The following CDH13 variants were observed in gnomAD, a reference collection of about 807,000 sequenced individuals.
CDH13 encodes cadherin-13.
CDH13 carries 24 observed loss-of-function variants against 63.8 expected under a neutral mutation model. That is an observed-to-expected ratio of 0.38 (90% CI 0.27 to 0.53). The LOEUF (loss-of-function observed/expected upper bound fraction) is 0.53, where lower values mean the gene tolerates loss of function less well. Among genes scored for constraint, CDH13 ranks in the 20% least tolerant of loss-of-function variants. The probability of loss-of-function intolerance (pLI) is 0.85; values close to 1 mark genes in which losing one functional copy is unlikely to be tolerated. For synonymous variants in CDH13, 503 were observed against 355.3 expected, an observed-to-expected ratio of 1.42 and a Z score of -4.67; for missense variants, 1,049 against 903.1, an observed-to-expected ratio of 1.16 and a Z score of -2.07.
intron 1 of CDH13, among the ~76,000 whole-genome samples, chr16:82,649,185 T>G (rs1910448245): frequency 6.6e-6 from 1 of 152,152 alleles, no homozygotes; most frequent in South Asian, 2.1e-4. Flanking sequence ...ATTTTACAAA[T>G]GACATAATAG....
intron 2 of CDH13, among the ~76,000 whole-genome samples, chr16:82,901,685 CACTT>C (rs1260538609): frequency 1.3e-5 from 2 of 152,118 alleles, no homozygotes; most frequent in Non-Finnish European, 2.9e-5. Context: ...AACTGATAAA[CACTT>C]ACAGGGCTGC....
At position 82,949,811 on chromosome 16, in the gene CDH13, TG is replaced by T. The variant is rs984370669; in HGVS notation, c.158-82198del. On this transcript the variant is annotated intron_variant, in intron 2 of 13. Transcript: ENST00000567109. ...CAGCCTCTTTGTGTTAATTATAAGT[TG>T]CTTTGCTTTACAGACTCAAAATGAA... Among the ~76,000 whole-genome samples the T allele has an allele frequency of 3.1e-4, 47 of 152,256 alleles. 1 individual carries two copies. The highest frequency in any genetic ancestry group is 9.9e-4 in the African/African-American group (41 of 41,566).
chr16:83,369,843 C>T (rs1184771382), intron 6 of CDH13, among the ~76,000 whole-genome samples: 3 of 152,282 alleles, frequency 2.0e-5, no homozygotes, highest in East Asian at 1.9e-4. Context: ...CTGTGAGCCT[C>T]GTGTTTGTAT....
At position 83,227,551 on chromosome 16, in the gene CDH13, G is replaced by A. The variant is rs79874733; in HGVS notation, c.636+10054G>A. Among the ~76,000 whole-genome samples the A allele has an allele frequency of 3.6e-3, 551 of 152,280 alleles. 6 individuals carry two copies. Among genetic ancestry groups the A allele is most frequent in the African/African-American group, 0.013 (520 of 41,540 alleles). ...AATGCTGGGAAGCCAGCCAACCTCC[G>A]TGTTACCCATCTCGATTCTGGCCTG... On this transcript the variant is annotated intron_variant, in intron 5 of 13. Transcript: ENST00000567109.
At chr16:83,026,774 T>C (rs1915845056) in intron 2 of CDH13, among the ~76,000 whole-genome samples, 1 of 152,170 alleles carries the variant, frequency 6.6e-6, no homozygotes, top group Admixed American at 6.5e-5. Context: ...GCCATGACTG[T>C]TGTCTGTCCA....
At chr16:83,029,167 C>T (rs146274457) in intron 2 of CDH13, among the ~76,000 whole-genome samples, 1 of 152,298 alleles carries the variant, frequency 6.6e-6, no homozygotes, top group African/African-American at 2.4e-5. Flanking sequence ...CTATTATTAT[C>T]AGTTAATATG....
rs536109125 is a variant in CDH13, at chr16:83,705,581, C to T, written c.1538+27120C>T. ...AGCTTGCAGTGAGCCGAGATCACGC[C>T]ACTGCACTCCAGCGTGGGGGCCAGA... On this transcript the variant is annotated intron_variant, in intron 10 of 13. Coordinates refer to ENST00000567109, the MANE Select transcript of CDH13 (RefSeq NM_001257.5). 1.3e-4 allele frequency among the ~76,000 whole-genome samples: 20 copies of T among 152,256 alleles called. No individual in the cohort carries two copies. In the South Asian group the frequency reaches 4.2e-3, roughly 32 times the overall value.
At chr16:82,993,606 C>T (rs578202130) in intron 2 of CDH13, among the ~76,000 whole-genome samples, 1 of 152,120 alleles carries the variant, frequency 6.6e-6, no homozygotes, top group Non-Finnish European at 1.5e-5. Context: ...ATAATTGCAG[C>T]TGAGTCAGCA....
chr16:82,629,247 C>T (rs1455559288), intron 1 of CDH13, among the ~76,000 whole-genome samples: 11 of 152,162 alleles, frequency 7.2e-5, no homozygotes, highest in Admixed American at 7.2e-4. Flanking sequence ...TCTGAAGGCT[C>T]ACTCTATTTA....
intron 1 of CDH13, among the ~76,000 whole-genome samples, chr16:82,780,895 G>A (rs537466927): frequency 1.3e-5 from 2 of 152,308 alleles, no homozygotes; most frequent in South Asian, 4.1e-4. Context: ...ACATTTGACA[G>A]TAGCTGAGTA....
chr16:83,116,567 G>A (rs1449328986), intron 3 of CDH13, among the ~76,000 whole-genome samples: 1 of 152,206 alleles, frequency 6.6e-6, no homozygotes, highest in Non-Finnish European at 1.5e-5. Flanking sequence ...ATATCGCATG[G>A]TTTCTGTTCA....
At chr16:82,975,832 C>A (rs955918368) in intron 2 of CDH13, among the ~76,000 whole-genome samples, 19 of 152,240 alleles carry the variant, frequency 1.2e-4, no homozygotes, top group African/African-American at 4.3e-4. Context: ...CTTGTCTATA[C>A]CCCCATCCCT....
At chr16:82,629,507 G>A (rs1194590667) in intron 1 of CDH13, among the ~76,000 whole-genome samples, 3 of 152,158 alleles carry the variant, frequency 2.0e-5, no homozygotes, top group African/African-American at 2.4e-5. Flanking sequence ...TTGAGTCGAC[G>A]AGCAAAAACA....
At chr16:83,212,160 C>T (rs2151780078) in intron 4 of CDH13, among the ~76,000 whole-genome samples, 1 of 152,232 alleles carries the variant, frequency 6.6e-6, no homozygotes, top group African/African-American at 2.4e-5. Flanking sequence ...GAGTTGAGCA[C>T]AGCATAATCA....
intron 1 of CDH13, among the ~76,000 whole-genome samples, chr16:82,665,286 G>T (rs1392250791): frequency 6.6e-6 from 1 of 152,188 alleles, no homozygotes; most frequent in Non-Finnish European, 1.5e-5. Context: ...TGATGTGTCT[G>T]ACTGAGAAAA....
intron 4 of CDH13, among the ~76,000 whole-genome samples, chr16:83,169,259 C>G (rs1013193445): frequency 6.6e-6 from 1 of 151,810 alleles, no homozygotes; most frequent in Non-Finnish European, 1.5e-5. Flanking sequence ...TCACTGCAAC[C>G]TCCACCTCCT....
intron 1 of CDH13, among the ~76,000 whole-genome samples, chr16:82,856,509 C>T (rs1230021161): frequency 2.0e-5 from 3 of 151,036 alleles, no homozygotes; most frequent in African/African-American, 7.3e-5. Context: ...TGAGAGCAGC[C>T]TGTGCAACAT....
At chr16:83,510,454 C>G (rs374899850) in intron 7 of CDH13, among the ~76,000 whole-genome samples, 1 of 152,170 alleles carries the variant, frequency 6.6e-6, no homozygotes, top group Non-Finnish European at 1.5e-5. Flanking sequence ...AAATACACAA[C>G]ACACCAATGA....
intron 4 of CDH13, among the ~76,000 whole-genome samples, chr16:83,198,931 C>G (rs914626042): frequency 6.6e-6 from 1 of 152,110 alleles, no homozygotes; most frequent in Admixed American, 6.5e-5. Context: ...AAATATTCCT[C>G]TCTTGGGGAT....
Sources: gnomAD v4.1 joint callset for allele counts (sites outside exome capture counted in the v4.1 genomes callset) on GRCh38, gnomAD v4.1.1 for gene constraint, MANE v1.5 for transcripts, NCBI Gene and HGNC (gene_info 2026-07-23, HGNC 2026-07-21) for gene names.